SNRPN: variants seen among roughly 807,000 people sequenced by gnomAD.
SNRPN encodes the protein small nuclear ribonucleoprotein-associated protein N.
In SNRPN, 7 loss-of-function variants were observed where a neutral mutation model predicts 25.2. The ratio of observed to expected loss-of-function variants is 0.28; its 90% CI spans 0.16 to 0.52. The LOEUF (loss-of-function observed/expected upper bound fraction) is 0.52, where lower values mean the gene tolerates loss of function less well. Among genes scored for constraint, SNRPN ranks in the 20% least tolerant of loss-of-function variants. The probability of loss-of-function intolerance (pLI) is 0.96; values close to 1 mark genes in which losing one functional copy is unlikely to be tolerated. For missense variants in SNRPN, 196 were observed against 322.5 expected (o/e 0.61, Z 3.00); for synonymous variants, 124 against 110.6 (o/e 1.12, Z -0.76).
intron 2 of SNRPN, among the ~76,000 whole-genome samples, chr15:24,844,414 G>C (rs2052005571): frequency 6.6e-6 from 1 of 152,102 alleles, no homozygotes. Flanking sequence ...ACCTACATCT[G>C]TTAAGTACCG....
chr15:24,918,181 G>A (rs2059652608), intron 2 of SNRPN, among the ~76,000 whole-genome samples: 1 of 151,348 alleles, frequency 6.6e-6, no homozygotes, highest in African/African-American at 2.4e-5. Flanking sequence ...CTATCATTCT[G>A]TCACTTTTCT....
upstream of SNRPN, among the ~76,000 whole-genome samples, chr15:24,855,003 C>CAA (rs10600812): frequency 7.1e-6 from 1 of 140,816 alleles, no homozygotes; most frequent in Non-Finnish European, 1.5e-5. Flanking sequence ...GACTCCGTCT[C>CAA]AAAAAAAAAA....
Position 24,975,408 on chromosome 15 carries a change from A to G in SNRPN, c.54A>G (p.Arg18=). 6.2e-7 allele frequency: 1 copy of G among 1,613,118 alleles called. No homozygotes were observed. Among genetic ancestry groups the G allele is most frequent in the South Asian group, 1.1e-5 (1 of 91,074 alleles). Residue 18 remains arginine (R), a synonymous_variant, in exon 5 of 10, where the codon AGA becomes AGG. Transcript: ENST00000390687. The stretch of plus-strand genomic sequence containing the variant: ...TGCAGCACATTGACTATAGAATGAG[A>G]TGTATCCTGCAAGATGGCCGAATCT... ...KMLQHIDYRM[R]CILQDGRIFI...
upstream of SNRPN, among the ~76,000 whole-genome samples, chr15:24,852,594 A>G (rs988538583): frequency 2.0e-5 from 3 of 152,232 alleles, no homozygotes; most frequent in Non-Finnish European, 4.4e-5. Context: ...TTAGAAAACA[A>G]GAAAAACAGA....
chr15:24,914,761 T>G (rs1272503703), intron 2 of SNRPN, among the ~76,000 whole-genome samples: 1 of 152,022 alleles, frequency 6.6e-6, no homozygotes, highest in African/African-American at 2.4e-5. Flanking sequence ...AAATTATATA[T>G]TCAGTGATAC....
intron 3 of SNRPN, among the ~76,000 whole-genome samples, chr15:24,973,426 C>T (rs1246498819): frequency 6.6e-6 from 1 of 152,014 alleles, no homozygotes; most frequent in Non-Finnish European, 1.5e-5. Flanking sequence ...TTGCTCTTGT[C>T]CCTCCTTGTT....
At chr15:24,961,965 A>T in intron 1 of SNRPN, 149 bp from the exon 2 acceptor site, 1 of 765,722 alleles carries the variant, frequency 1.3e-6, no homozygotes, top group Non-Finnish European at 2.3e-6. Flanking sequence ...GACTGTTTGA[A>T]GGTTAAAGAT....
At chr15:24,954,853 A>T, upstream of SNRPN, 1 of 720,706 alleles carries the variant, frequency 1.4e-6, no homozygotes, top group Non-Finnish European at 2.3e-6. Context: ...CCCCCAGGTC[A>T]TTCCGGTGAG....
intron 1 of SNRPN, among the ~76,000 whole-genome samples, chr15:24,882,901 C>G (rs1368584572): frequency 6.6e-6 from 1 of 151,244 alleles, no homozygotes; most frequent in African/African-American, 2.4e-5. Flanking sequence ...ATTGATTGGC[C>G]CAGCCTTGAG....
chr15:24,898,178 A>C (rs961009109), intron 2 of SNRPN, among the ~76,000 whole-genome samples: 2 of 152,192 alleles, frequency 1.3e-5, no homozygotes, highest in African/African-American at 4.8e-5. Context: ...ACAAAAACAA[A>C]AACAAAAAAC....
Position 24,886,379 on chromosome 15 carries a change from T to TTAA in SNRPN, c.-578-135_-578-134insATA, listed in dbSNP as rs146931895. 1.1e-4 allele frequency: 16 copies of TTAA among 152,346 alleles called. No homozygotes were observed. In the East Asian group the frequency reaches 3.1e-3, roughly 29 times the overall value. 9.4% of individuals were successfully genotyped at this position (152,346 alleles called of 1,614,324 possible). A position where few individuals can be genotyped will look rare whatever the true frequency, so the allele number is the denominator to read the frequency against. Reference sequence around the variant, plus strand: ...TTGCCCATGCTGTACTTAGAGTTACTTAGAGTTGAGTCTCACTCTCTCCCA... The same window carrying TTAA: ...TTGCCCATGCTGTACTTAGAGTTACTTAATAGAGTTGAGTCTCACTCTCTCCCA... On this transcript the variant is annotated intron_variant, in intron 1 of 11. Coordinates refer to the SNRPN transcript ENST00000400097.
At chr15:24,870,531 C>A (rs1003048525) in intron 1 of SNRPN, among the ~76,000 whole-genome samples, 1 of 152,106 alleles carries the variant, frequency 6.6e-6, no homozygotes, top group African/African-American at 2.4e-5. Flanking sequence ...GTGAGTTGGC[C>A]TTGTTAACTT....
At chr15:24,913,169 A>G (rs2059316030) in intron 2 of SNRPN, among the ~76,000 whole-genome samples, 1 of 151,998 alleles carries the variant, frequency 6.6e-6, no homozygotes, top group African/African-American at 2.4e-5. Context: ...CGAACCCCTG[A>G]CCTTAGGTGA....
intron 2 of SNRPN, chr15:24,909,411 G>C: frequency 6.3e-7 from 1 of 1,595,948 alleles, no homozygotes; most frequent in Non-Finnish European, 8.5e-7. Context: ...GCACTTGGCT[G>C]ACCATCAATG....
At chr15:24,976,786 GA>G (rs2077112805) in intron 6 of SNRPN, 90 bp from the exon 7 acceptor site, 4 of 1,183,396 alleles carry the variant, frequency 3.4e-6, no homozygotes, top group Non-Finnish European at 4.9e-6. Flanking sequence ...GGTGTCATGG[GA>G]AAATGGTGGA....
intron 3 of SNRPN, among the ~76,000 whole-genome samples, chr15:24,920,313 C>T (rs2059953578): frequency 6.6e-6 from 1 of 151,998 alleles, no homozygotes; most frequent in Non-Finnish European, 1.5e-5. Flanking sequence ...TAATTATTTC[C>T]CCATTTTTTG....
At chr15:24,913,959 C>A (rs1036152230) in intron 2 of SNRPN, among the ~76,000 whole-genome samples, 1 of 152,070 alleles carries the variant, frequency 6.6e-6, no homozygotes, top group African/African-American at 2.4e-5. Context: ...TACGGAAAGG[C>A]AAATAAATTG....
chr15:24,838,379 A>C (rs2051405777), intron 2 of SNRPN, among the ~76,000 whole-genome samples: 1 of 152,108 alleles, frequency 6.6e-6, no homozygotes, highest in Admixed American at 6.5e-5. Context: ...GGTGATATCC[A>C]TCCTTTTCCA....
intron 2 of SNRPN, among the ~76,000 whole-genome samples, chr15:24,898,796 C>T (rs12901775): frequency 0.28 from 42,669 of 151,806 alleles, 6,354 homozygotes; most frequent in Middle Eastern, 0.36. Context: ...TGAAGTCCCA[C>T]GGAGTCAAAG....
Sources: allele counts gnomAD v4.1 joint callset (sites outside exome capture counted in the v4.1 genomes callset), GRCh38; gene constraint gnomAD v4.1.1; transcripts MANE v1.5; gene names NCBI Gene and HGNC (gene_info 2026-07-23, HGNC 2026-07-21).